Variants in VPS13C observed in about 807,000 individuals in gnomAD.
VPS13C encodes intermembrane lipid transfer protein VPS13C.
A neutral mutation model predicts 456.8 loss-of-function variants in VPS13C; 358 were observed. The observed-to-expected ratio is 0.78, with a 90% CI of 0.72 to 0.86. The LOEUF is 0.86. VPS13C is among the 40% of genes least tolerant of loss of function. The pLI, the probability that VPS13C is intolerant of heterozygous loss-of-function variation, is 0.00. For synonymous variants in VPS13C, 1,578 were observed against 1,486.7 expected (o/e 1.06, Z -1.41); for missense variants, 4,818 against 4,385.4 (o/e 1.10, Z -2.79).
rs1894688750 is a variant in VPS13C at position 61,867,665 on chromosome 15, C to A, written c.10863+994G>T. ...TGCTTCTGAGCTCAATAAAGGCTTT[C>A]ATCTATTAAACGCAGAAGAGAGCTG... On this transcript the variant is annotated intron_variant, in intron 81 of 84. Transcript: ENST00000644861. The surrounding 1 kb of genome is among the most constrained non-coding windows in gnomAD (Gnocchi z 5.0). 5 of 1,248,722 alleles carry A rather than the reference C, an allele frequency of 4.0e-6. No homozygotes were observed. The highest frequency in any genetic ancestry group is 3.0e-6 in the Non-Finnish European group (3 of 993,780). 77.4% of individuals were successfully genotyped at this position (1,248,722 alleles called of 1,614,324 possible).
In VPS13C at chr15:61,869,333, G is replaced by A. The variant is rs551646826; in HGVS notation, c.10748+167C>T. On this transcript the variant is annotated intron_variant, in intron 80 of 84. Transcript: ENST00000644861. ...GGGTTTCACCATGTTCGCAAAATAT[G>A]TCTTTTCTTATTCCTTTCTGGAGGC... is the stretch of plus-strand genomic sequence containing the variant. 1.2e-4 allele frequency among the ~76,000 whole-genome samples: 18 copies of A among 152,154 alleles called. No homozygotes were observed. In the South Asian group the frequency reaches 1.2e-3, roughly 11 times the overall value.
At chr15:61,876,339 A>G (rs1358255183) in intron 75 of VPS13C, among the ~76,000 whole-genome samples, 1 of 152,076 alleles carries the variant, frequency 6.6e-6, no homozygotes, top group Admixed American at 6.6e-5. Flanking sequence ...TATTAAATGA[A>G]TACATAATTC....
At position 61,936,603 on chromosome 15, in the gene VPS13C, G is replaced by C; in HGVS notation, c.5749C>G (p.Leu1917Val). The change falls in exon 48 of 85, where the codon CTC becomes GTC. Residue 1917 changes from leucine to valine, a missense_variant. Physicochemically the swap from Leu to Val is conservative, Grantham distance 32 (BLOSUM62 1). Coordinates refer to ENST00000644861, the MANE Select transcript of VPS13C (RefSeq NM_020821.3). ...AAATATCATCAATTTATACCTTTGA[G>C]ATGGTCAGGTACACTTGAAACATCA... is the stretch of plus-strand genomic sequence containing the variant. ...KVDVSSVPDH[L>V]KEQEDWTDSK... 1 of 1,556,936 alleles carries C rather than the reference G, an allele frequency of 6.4e-7. No homozygotes were observed. The highest frequency in any genetic ancestry group is 1.2e-5 in the South Asian group (1 of 80,840).
chr15:62,034,604 G>A (rs1176241750), intron 4 of VPS13C, among the ~76,000 whole-genome samples: 1 of 151,548 alleles, frequency 6.6e-6, no homozygotes, highest in African/African-American at 2.4e-5. Flanking sequence ...CTTGAAATCT[G>A]GAGATTAACA....
At chr15:61,922,297 G>T in intron 54 of VPS13C, 100 bp downstream of exon 54, 2 of 1,388,844 alleles carry the variant, frequency 1.4e-6, no homozygotes, top group Non-Finnish European at 2.0e-6. Flanking sequence ...ATTCACATAT[G>T]TACTCATAGT....
At chr15:62,006,147 A>G (rs867218328) in intron 15 of VPS13C, among the ~76,000 whole-genome samples, 1 of 151,350 alleles carries the variant, frequency 6.6e-6, no homozygotes, top group African/African-American at 2.4e-5. Flanking sequence ...GTACATGCGC[A>G]CATTGTGCAG....
intron 20 of VPS13C, among the ~76,000 whole-genome samples, chr15:61,983,463 G>T (rs1230917732): frequency 2.6e-5 from 4 of 152,074 alleles, no homozygotes; most frequent in Non-Finnish European, 5.9e-5. Context: ...CTTTGAATTT[G>T]TTCCAAACAT....
rs150851692 is a variant in VPS13C at position 61,957,118 on chromosome 15, A to G, written c.4165+1490T>C. 1.7e-4 allele frequency among the ~76,000 whole-genome samples: 26 copies of G among 152,304 alleles called. No homozygotes were observed. The East Asian group carries it at 4.6e-3, about 27-fold the overall frequency. On this transcript the variant is annotated intron_variant, in intron 37 of 84. Transcript: ENST00000644861. ...TCATATAACTGAATAGTGCACAGAA[A>G]TAAAAAGAACAAACTACTCCTATGC...
chr15:61,950,514 A>C (rs189763740), intron 40 of VPS13C, 97 bp from the exon 41 acceptor site: 2 of 946,862 alleles, frequency 2.1e-6, no homozygotes, highest in Admixed American at 5.4e-5. Flanking sequence ...TATGCTATTA[A>C]AAGAGTAAAA....
chr15:61,905,206 T>C (rs898926207), intron 66 of VPS13C, among the ~76,000 whole-genome samples: 3 of 152,208 alleles, frequency 2.0e-5, no homozygotes, highest in African/African-American at 2.4e-5. Context: ...GCACATTTTA[T>C]GTATGTATCA....
chr15:61,922,269 T>C, intron 54 of VPS13C, 128 bp downstream of exon 54: 2 of 1,241,444 alleles, frequency 1.6e-6, no homozygotes, highest in Non-Finnish European at 2.2e-6. Context: ...ACAAATTAAA[T>C]GTCAGAACAC....
intron 82 of VPS13C, among the ~76,000 whole-genome samples, chr15:61,862,826 C>T (rs1263406450): frequency 6.6e-6 from 1 of 152,094 alleles, no homozygotes; most frequent in Admixed American, 6.5e-5. Flanking sequence ...GATTTTGCCA[C>T]TGTAAGAACT....
intron 47 of VPS13C, among the ~76,000 whole-genome samples, chr15:61,939,623 T>C (rs975443372): frequency 6.6e-6 from 1 of 152,194 alleles, no homozygotes; most frequent in Non-Finnish European, 1.5e-5. Flanking sequence ...ACAGGATTCC[T>C]ATACTTCCAC....
At chr15:61,933,901 A>G (rs1243817201) in intron 49 of VPS13C, among the ~76,000 whole-genome samples, 3 of 152,018 alleles carry the variant, frequency 2.0e-5, no homozygotes, top group Non-Finnish European at 4.4e-5. Context: ...ATATATAGCT[A>G]TGTAATAAAA....
At chr15:61,984,816 T>C in intron 19 of VPS13C, 41 bp downstream of exon 19, 1 of 1,590,320 alleles carries the variant, frequency 6.3e-7, no homozygotes, top group Non-Finnish European at 8.6e-7. Context: ...CCTAAAACTA[T>C]AACTAAAAGT....
intron 38 of VPS13C, among the ~76,000 whole-genome samples, chr15:61,952,543 T>C (rs111843238): frequency 2.8e-4 from 42 of 152,254 alleles, no homozygotes; most frequent in African/African-American, 1.0e-3. Context: ...GTGTGTTAAG[T>C]ATATCTGCAA....
At chr15:61,982,311 G>A (rs1042442083) in intron 21 of VPS13C, 148 bp downstream of exon 21, 3 of 471,560 alleles carry the variant, frequency 6.4e-6, no homozygotes, top group African/African-American at 4.0e-5. Context: ...TTGATTTTGA[G>A]AAAGCCATGT....
intron 15 of VPS13C, among the ~76,000 whole-genome samples, chr15:62,001,007 A>C (rs2046593782): frequency 6.6e-6 from 1 of 152,196 alleles, no homozygotes; most frequent in African/African-American, 2.4e-5. Flanking sequence ...CATTGTACTA[A>C]CGGTGACATT....
intron 9 of VPS13C, among the ~76,000 whole-genome samples, chr15:62,016,899 G>C (rs199765451): frequency 0.079 from 12,040 of 152,136 alleles, 1,015 homozygotes; most frequent in African/African-American, 0.21. Context: ...CAGTGTAAAA[G>C]TGTTTCTATT....
Sources: gnomAD v4.1 joint callset for allele counts (sites outside exome capture counted in the v4.1 genomes callset) on GRCh38, gnomAD v4.1.1 for gene constraint, Gnocchi (gnomAD v3.1) non-coding constraint, MANE v1.5 for transcripts, NCBI Gene and HGNC (gene_info 2026-07-23, HGNC 2026-07-21) for gene names.